The following LRCH2 variants were observed in gnomAD, a reference collection of about 807,000 sequenced individuals.
LRCH2 encodes leucine rich repeats and calponin homology domain containing 2, also known as leucine-rich repeat and calponin homology domain-containing protein 2.
In LRCH2, 38 loss-of-function variants were observed where a neutral mutation model predicts 68.9. The ratio of observed to expected loss-of-function variants is 0.55; its 90% CI spans 0.43 to 0.72. The LOEUF is 0.72. LRCH2 is among the 30% of genes least tolerant of loss of function. The probability of loss-of-function intolerance (pLI) is 0.00; values close to 1 mark genes in which losing one functional copy is unlikely to be tolerated. For synonymous variants in LRCH2, 191 were observed against 208.1 expected (o/e 0.92, Z 0.71); for missense variants, 528 against 572.9 (o/e 0.92, Z 0.80).
chrX:115,134,282 G>A (rs1286726642), intron 14 of LRCH2, among the ~76,000 whole-genome samples: 4 of 112,671 alleles, frequency 3.6e-5, no homozygotes, highest in African/African-American at 1.3e-4. Flanking sequence ...AGTGCAAGGC[G>A]AAGTAGCAAG....
chrX:115,190,492 G>C, intron 1 of LRCH2: 1 of 1,167,840 alleles, frequency 8.6e-7, no homozygotes. Flanking sequence ...GGCCTTGCCA[G>C]TCGTCTTGCC....
At chrX:115,192,684 A>G (rs906135527) in intron 1 of LRCH2, 3 of 1,131,708 alleles carry the variant, frequency 2.7e-6, no homozygotes, top group Non-Finnish European at 3.6e-6. Flanking sequence ...CTTTTCAAAG[A>G]AACAAAAAGA....
At chrX:115,190,607 A>T in intron 1 of LRCH2, 1 of 1,160,114 alleles carries the variant, frequency 8.6e-7, no homozygotes, top group Non-Finnish European at 1.2e-6. Flanking sequence ...GAAGGCTGCT[A>T]CGAGGAGTAC....
chrX:115,143,580 CA>C (rs1201457418), intron 14 of LRCH2, among the ~76,000 whole-genome samples: 1 of 111,264 alleles, frequency 9.0e-6, no homozygotes, highest in Non-Finnish European at 1.9e-5. Flanking sequence ...CAATCCTACT[CA>C]AAGTATTCAA....
intron 11 of LRCH2, among the ~76,000 whole-genome samples, chrX:115,160,855 TTG>T (rs781917033): frequency 9.0e-6 from 1 of 111,731 alleles, no homozygotes; most frequent in South Asian, 3.7e-4. Context: ...AATTCAAGTA[TTG>T]TGACAGTAAA....
intron 12 of LRCH2, among the ~76,000 whole-genome samples, chrX:115,152,318 A>G (rs889093028): frequency 2.7e-5 from 3 of 112,120 alleles, no homozygotes; most frequent in Non-Finnish European, 5.6e-5. Context: ...ACAAAAGTCA[A>G]AAGTATGTAT....
intron 20 of LRCH2, among the ~76,000 whole-genome samples, chrX:115,121,171 T>TAATAAATAAATA (rs781822005): frequency 9.3e-6 from 1 of 107,718 alleles, no homozygotes; most frequent in Non-Finnish European, 1.9e-5. Context: ...TAAAGTATAA[T>TAATAAATAAATA]AATAAATAAA....
Position 115,166,247 on chromosome X carries a change from A to C in LRCH2, c.1086+8T>G. ...AAACAGAATGGATCAGCAATAGAAA[A>C]TACTCACTTCTGTTGTGGATAATCG... On this transcript the variant is annotated splice_region_variant and intron_variant, in intron 7 of 20. Transcript: ENST00000317135. The C allele has an allele frequency of 8.7e-7, 1 of 1,149,005 alleles. No homozygotes were observed. Among genetic ancestry groups the C allele is most frequent in the African/African-American group, 1.8e-5 (1 of 56,529 alleles). 94.7% of individuals were successfully genotyped at this position (1,149,005 alleles called of 1,213,427 possible).
intron 16 of LRCH2, among the ~76,000 whole-genome samples, chrX:115,125,472 T>G (rs1204650401): frequency 1.6e-3 from 1 of 613 alleles, no homozygotes; most frequent in Non-Finnish European, 3.5e-3. Flanking sequence ...TATATATATA[T>G]ATATATATAT....
At chrX:115,204,321 C>A (rs1304577355) in intron 1 of LRCH2, among the ~76,000 whole-genome samples, 1 of 113,282 alleles carries the variant, frequency 8.8e-6, no homozygotes, top group African/African-American at 3.2e-5. Context: ...TCTGAAATGC[C>A]CTGAAGACAT....
intron 20 of LRCH2, 76 bp downstream of exon 20, chrX:115,122,451 G>T: frequency 2.4e-6 from 2 of 817,257 alleles, no homozygotes; most frequent in Non-Finnish European, 3.6e-6. Context: ...ATTATTCATT[G>T]CTCTAAGAAG....
At chrX:115,205,134 T>C (rs1355431134) in intron 1 of LRCH2, among the ~76,000 whole-genome samples, 1 of 111,572 alleles carries the variant, frequency 9.0e-6, no homozygotes, top group Non-Finnish European at 1.9e-5. Flanking sequence ...AGGAGAATGC[T>C]ACACACTTAT....
At chrX:115,229,161 G>A (rs1351427751) in intron 1 of LRCH2, among the ~76,000 whole-genome samples, 1 of 111,497 alleles carries the variant, frequency 9.0e-6, no homozygotes, top group African/African-American at 3.3e-5. Flanking sequence ...TATAACCTAC[G>A]AAGTTAAATA....
intron 1 of LRCH2, among the ~76,000 whole-genome samples, chrX:115,215,470 G>A (rs1556571200): frequency 9.0e-6 from 1 of 110,908 alleles, no homozygotes; most frequent in East Asian, 2.8e-4. Flanking sequence ...AATTTGGCCA[G>A]GTGCAGTGGC....
chrX:115,169,428 G>A (rs1429163512), intron 6 of LRCH2, among the ~76,000 whole-genome samples: 1 of 111,375 alleles, frequency 9.0e-6, no homozygotes, highest in Non-Finnish European at 1.9e-5. Context: ...GCCTTGTTTG[G>A]TCTAATACTG....
chrX:115,232,307 G>A (rs1179137412), intron 1 of LRCH2, among the ~76,000 whole-genome samples: 1 of 110,091 alleles, frequency 9.1e-6, no homozygotes, highest in Non-Finnish European at 1.9e-5. Context: ...TAATGATGCA[G>A]TCTGAAACTG....
chrX:115,222,032 G>C (rs782611178), intron 1 of LRCH2, among the ~76,000 whole-genome samples: 1 of 111,159 alleles, frequency 9.0e-6, no homozygotes, highest in Non-Finnish European at 1.9e-5. Context: ...GGAATGTAGA[G>C]GTCCGAGGCA....
chrX:115,133,423 T>G (rs2072262910), intron 14 of LRCH2, among the ~76,000 whole-genome samples: 1 of 111,581 alleles, frequency 9.0e-6, no homozygotes, highest in African/African-American at 3.3e-5. Flanking sequence ...TTAATCAGAG[T>G]ATCAGTTTTT....
chrX:115,208,627 C>G (rs2072985675), intron 1 of LRCH2, among the ~76,000 whole-genome samples: 2 of 111,659 alleles, frequency 1.8e-5, no homozygotes, highest in African/African-American at 6.5e-5. Context: ...TATCTGCGGC[C>G]CATTGAAATT....
Sources: gnomAD v4.1 joint callset for allele counts (sites outside exome capture counted in the v4.1 genomes callset) on GRCh38, gnomAD v4.1.1 for gene constraint, MANE v1.5 for transcripts, NCBI Gene and HGNC (gene_info 2026-07-23, HGNC 2026-07-21) for gene names.